NALF1: variants seen among roughly 807,000 people sequenced by gnomAD.
NALF1 encodes NALCN channel auxiliary factor 1.
NALF1 carries 3 observed loss-of-function variants against 48.4 expected under a neutral mutation model. That is an observed-to-expected ratio of 0.06 (90% CI 0.03 to 0.16). NALF1 has a LOEUF of 0.16. Among genes scored for constraint, NALF1 ranks in the 10% least tolerant of loss-of-function variants. NALF1 has a pLI of 1.00. For synonymous variants in NALF1, 262 were observed against 245.7 expected (o/e 1.07, Z -0.62); for missense variants, 526 against 571.5 (o/e 0.92, Z 0.81).
chr13:107,212,237 T>TA (rs1421649457), intron 1 of NALF1, among the ~76,000 whole-genome samples: 23 of 152,192 alleles, frequency 1.5e-4, no homozygotes, highest in African/African-American at 5.3e-4. Flanking sequence ...TAAAATGAGA[T>TA]AAATATCAAA....
chr13:107,574,323 A>G (rs1878076200), intron 1 of NALF1, among the ~76,000 whole-genome samples: 1 of 152,154 alleles, frequency 6.6e-6, no homozygotes, highest in African/African-American at 2.4e-5. Flanking sequence ...TTTTTATTCT[A>G]TCATTTATCA....
At chr13:107,700,844 T>C (rs1043148184) in intron 1 of NALF1, among the ~76,000 whole-genome samples, 4 of 152,068 alleles carry the variant, frequency 2.6e-5, no homozygotes, top group African/African-American at 9.7e-5. Context: ...TGAACAGATA[T>C]TTCTCCAAAG....
chr13:107,446,110 C>T (rs1258424796), intron 1 of NALF1, among the ~76,000 whole-genome samples: 1 of 151,822 alleles, frequency 6.6e-6, no homozygotes, highest in Admixed American at 6.6e-5. Context: ...AGCTAATTTT[C>T]GTATTTTTAG....
chr13:107,823,033 T>A (rs986371184), intron 1 of NALF1, among the ~76,000 whole-genome samples: 1 of 152,180 alleles, frequency 6.6e-6, no homozygotes, highest in African/African-American at 2.4e-5. Context: ...TCTGTAAATG[T>A]GCTTGGACAC....
At chr13:107,814,135 G>A (rs1417113346) in intron 1 of NALF1, among the ~76,000 whole-genome samples, 1 of 152,120 alleles carries the variant, frequency 6.6e-6, no homozygotes, top group Non-Finnish European at 1.5e-5. Flanking sequence ...CTGGACAAGA[G>A]TTGTACCTAA....
At chr13:107,477,636 T>C (rs1263681115) in intron 1 of NALF1, among the ~76,000 whole-genome samples, 1 of 152,070 alleles carries the variant, frequency 6.6e-6, no homozygotes, top group African/African-American at 2.4e-5. Flanking sequence ...CAAGACAACC[T>C]TCATATCTCC....
chr13:107,797,172 AC>A (rs1878450690), intron 1 of NALF1, among the ~76,000 whole-genome samples: 1 of 151,438 alleles, frequency 6.6e-6, no homozygotes, highest in African/African-American at 2.4e-5. Context: ...TTTTATTTTT[AC>A]ATTTCTATTC....
At chr13:107,440,028 G>C (rs1309822245) in intron 1 of NALF1, among the ~76,000 whole-genome samples, 2 of 152,080 alleles carry the variant, frequency 1.3e-5, no homozygotes, top group Non-Finnish European at 2.9e-5. Flanking sequence ...TTAATATTTT[G>C]GAATATCTGA....
chr13:107,683,041 T>C (rs905341490), intron 1 of NALF1, among the ~76,000 whole-genome samples: 60 of 152,246 alleles, frequency 3.9e-4, no homozygotes, highest in African/African-American at 1.2e-3. Flanking sequence ...GGAGGGAGGA[T>C]TGCCGGAGCC....
At chr13:107,756,986 T>C (rs1877119896) in intron 1 of NALF1, among the ~76,000 whole-genome samples, 1 of 152,174 alleles carries the variant, frequency 6.6e-6, no homozygotes, top group South Asian at 2.1e-4. Flanking sequence ...GTTTTCTTCA[T>C]TGTAAATATT....
chr13:107,659,948 G>A (rs1332314204), intron 1 of NALF1, among the ~76,000 whole-genome samples: 1 of 151,678 alleles, frequency 6.6e-6, no homozygotes, highest in East Asian at 2.0e-4. Context: ...AGCCAGGATG[G>A]TCTCCATCTC....
intron 1 of NALF1, among the ~76,000 whole-genome samples, chr13:107,699,923 A>G (rs1881781110): frequency 6.6e-6 from 1 of 152,080 alleles, no homozygotes; most frequent in Admixed American, 6.6e-5. Context: ...TCAAAGCAAA[A>G]ATATTAATTA....
intron 1 of NALF1, among the ~76,000 whole-genome samples, chr13:107,672,355 T>C (rs1052851776): frequency 6.6e-6 from 1 of 152,200 alleles, no homozygotes. Flanking sequence ...GCAACATGTA[T>C]TGTCTTAGAA....
intron 1 of NALF1, among the ~76,000 whole-genome samples, chr13:107,423,287 A>G (rs74831662): frequency 0.019 from 2,876 of 152,334 alleles, 35 homozygotes; most frequent in South Asian, 0.029. Flanking sequence ...TGAGGAGCAG[A>G]GGTCAGGAAT....
At chr13:107,600,055 G>GA in intron 1 of NALF1, among the ~76,000 whole-genome samples, 1 of 152,210 alleles carries the variant, frequency 6.6e-6, no homozygotes, top group East Asian at 1.9e-4. Context: ...CTTTTCATCT[G>GA]GTGGTTAATT....
At chr13:107,416,986 AC>A (rs1381852790) in intron 1 of NALF1, among the ~76,000 whole-genome samples, 1 of 152,190 alleles carries the variant, frequency 6.6e-6, no homozygotes, top group Non-Finnish European at 1.5e-5. Context: ...GGTTCCCATC[AC>A]ACTGATGCTC....
chr13:107,624,280 G>T (rs1184655659), intron 1 of NALF1, among the ~76,000 whole-genome samples: 2 of 152,160 alleles, frequency 1.3e-5, no homozygotes, highest in African/African-American at 4.8e-5. Context: ...TTACATAAAG[G>T]TTAAGTACAT....
chr13:107,188,884 A>G (rs2138782434), intron 2 of NALF1, among the ~76,000 whole-genome samples: 1 of 152,366 alleles, frequency 6.6e-6, no homozygotes, highest in Non-Finnish European at 1.5e-5. Context: ...GATGTAGCCT[A>G]AGAGTAAAAT....
At chr13:107,825,851 G>A (rs1232101440) in intron 1 of NALF1, among the ~76,000 whole-genome samples, 1 of 152,190 alleles carries the variant, frequency 6.6e-6, no homozygotes, top group African/African-American at 2.4e-5. Context: ...CAACATCTCG[G>A]CTCACTGCAA....
Sources: allele counts gnomAD v4.1 joint callset (sites outside exome capture counted in the v4.1 genomes callset), GRCh38; gene constraint gnomAD v4.1.1; transcripts MANE v1.5; gene names NCBI Gene and HGNC (gene_info 2026-07-23, HGNC 2026-07-21).